Variants in RYR3 observed in about 807,000 individuals in gnomAD.
RYR3 encodes brain ryanodine receptor-calcium release channel.
RYR3 carries 207 observed loss-of-function variants against 584.3 expected under a neutral mutation model. That is an observed-to-expected ratio of 0.35 (90% confidence interval 0.32 to 0.40). The LOEUF is 0.40. RYR3 is among the 10% of genes least tolerant of loss of function. The pLI is 1.00. For missense variants in RYR3, 5,616 were observed against 6,089.2 expected (o/e 0.92, Z 2.59); for synonymous variants, 2,416 against 2,248.5 (o/e 1.07, Z -2.11).
At chr15:33,324,343 G>T (rs543787350) in intron 1 of RYR3, among the ~76,000 whole-genome samples, 2 of 152,170 alleles carry the variant, frequency 1.3e-5, no homozygotes, top group South Asian at 2.1e-4. Flanking sequence ...GGGAAGGAAG[G>T]GTACTCTAAA....
chr15:33,695,707 T>G (rs977101215), intron 38 of RYR3, among the ~76,000 whole-genome samples: 4 of 152,168 alleles, frequency 2.6e-5, no homozygotes, highest in African/African-American at 9.7e-5. Context: ...ATTCTTTTAT[T>G]GTTATATAGC....
chr15:33,798,084 T>A (rs149977905), intron 67 of RYR3, among the ~76,000 whole-genome samples: 2 of 110,582 alleles, frequency 1.8e-5, no homozygotes, highest in African/African-American at 3.5e-5. Flanking sequence ...TCTGTCTGTC[T>A]TTTATTTATT....
Position 33,816,951 on chromosome 15 carries a change from ATTTGGCT to A in RYR3, c.10593_10599del (p.Asp3531GlufsTer51). 1 of 1,599,602 alleles carries A rather than the reference ATTTGGCT, an allele frequency of 6.3e-7. No individual in the cohort carries two copies. The highest frequency in any genetic ancestry group is 8.6e-7 in the Non-Finnish European group (1 of 1,169,052). Reference sequence around the variant, plus strand: ...TCCTTTGAAGAGAAACTAGTACAGGATTTGGCTGTAAGTACTGACTCCCCTGGGAGCA... The same window carrying A: ...TCCTTTGAAGAGAAACTAGTACAGGAGTAAGTACTGACTCCCCTGGGAGCA... On this transcript the variant is annotated frameshift_variant and splice_region_variant, in exon 75 of 104. Coordinates refer to ENST00000634891, the MANE Select transcript of RYR3 (RefSeq NM_001036.6). LOFTEE classifies it high-confidence loss of function.
intron 47 of RYR3, among the ~76,000 whole-genome samples, chr15:33,729,671 A>C (rs185802638): frequency 4.0e-4 from 61 of 152,252 alleles, no homozygotes; most frequent in Middle Eastern, 3.4e-3. Flanking sequence ...CCCTAGAGTT[A>C]CAAAGCTCAG....
chr15:33,356,382 A>C (rs1019115909), intron 1 of RYR3, among the ~76,000 whole-genome samples: 1 of 152,180 alleles, frequency 6.6e-6, no homozygotes, highest in Non-Finnish European at 1.5e-5. Context: ...TTTCCATCAT[A>C]AACAAGTGAG....
intron 2 of RYR3, among the ~76,000 whole-genome samples, chr15:33,481,543 C>T (rs1394522917): frequency 6.6e-6 from 1 of 151,978 alleles, no homozygotes; most frequent in Non-Finnish European, 1.5e-5. Context: ...TGCAATGATG[C>T]AATCTCAGCT....
intron 1 of RYR3, among the ~76,000 whole-genome samples, chr15:33,379,683 C>CTATATATATATA (rs1216681475): frequency 8.6e-6 from 1 of 116,888 alleles, no homozygotes; most frequent in African/African-American, 4.3e-5. Context: ...CTCTCTCTCT[C>CTATATATATATA]TCTCTATATA....
chr15:33,550,812 A>G (rs1460807040), intron 10 of RYR3, among the ~76,000 whole-genome samples: 1 of 152,204 alleles, frequency 6.6e-6, no homozygotes, highest in Non-Finnish European at 1.5e-5. Context: ...TGATGCAGAG[A>G]AGACATTCTG....
chr15:33,434,881 G>A (rs541223333), intron 1 of RYR3, among the ~76,000 whole-genome samples: 215 of 152,140 alleles, frequency 1.4e-3, no homozygotes, highest in African/African-American at 4.9e-3. Flanking sequence ...GCAGTGGTGC[G>A]ATCTTGGCTC....
rs758116103 is a variant in RYR3, at chr15:33,854,919, T to C, written c.14007+7T>C. 3.1e-6 allele frequency: 5 copies of C among 1,606,804 alleles called. No homozygotes were observed. The Admixed American group carries it at 6.8e-5, about 22-fold the overall frequency. ...AACTCACAATGGCAAACAGGTATGG[T>C]TTCTACTGATGCAGAACAGAATGGA... is the stretch of plus-strand genomic sequence containing the variant. On this transcript the variant is annotated splice_region_variant and intron_variant, in intron 98 of 103. Transcript: ENST00000634891.
intron 1 of RYR3, among the ~76,000 whole-genome samples, chr15:33,372,976 G>A (rs2040449694): frequency 6.6e-6 from 1 of 152,212 alleles, no homozygotes; most frequent in Admixed American, 6.5e-5. Context: ...TTGTCTTGGT[G>A]TTTAGATTGG....
At chr15:33,391,259 T>C (rs1196503012) in intron 1 of RYR3, among the ~76,000 whole-genome samples, 1 of 152,192 alleles carries the variant, frequency 6.6e-6, no homozygotes, top group Non-Finnish European at 1.5e-5. Context: ...CACTGAGGCT[T>C]CACTCTCATG....
At chr15:33,442,560 GTAA>G (rs748383215) in intron 1 of RYR3, among the ~76,000 whole-genome samples, 1 of 152,200 alleles carries the variant, frequency 6.6e-6, no homozygotes, top group Non-Finnish European at 1.5e-5. Context: ...GACGTATCAT[GTAA>G]TAATGGTGAT....
intron 38 of RYR3, among the ~76,000 whole-genome samples, chr15:33,695,020 C>T (rs2065736494): frequency 6.6e-6 from 1 of 152,174 alleles, no homozygotes; most frequent in African/African-American, 2.4e-5. Flanking sequence ...GTAGAAACCT[C>T]AACTATTAGA....
chr15:33,493,747 C>T lies in RYR3; in HGVS notation c.172-9884C>T, dbSNP rs559825421. On this transcript the variant is annotated intron_variant, in intron 2 of 103. Transcript: ENST00000634891. ...TTAATCCTTCCAGAACAAGCTTATA[C>T]ATATCTGTTTTAGCTCTTGTGAGAA... is the stretch of plus-strand genomic sequence containing the variant. Among the ~76,000 whole-genome samples the T allele has an allele frequency of 3.3e-3, 506 of 152,298 alleles. 3 individuals are homozygous for T. The highest frequency in any genetic ancestry group is 0.012 in the African/African-American group (479 of 41,570).
chr15:33,837,973 T>C lies in RYR3; in HGVS notation c.11993T>C (p.Leu3998Ser). 1 of 1,614,032 alleles carries C rather than the reference T, an allele frequency of 6.2e-7. No individual in the cohort carries two copies. Among genetic ancestry groups the C allele is most frequent in the Non-Finnish European group, 8.5e-7 (1 of 1,179,894 alleles). The change falls in exon 89 of 104, where the codon TTG becomes TCG. Residue 3998 changes from leucine (L) to serine (S), a missense_variant. Leu to Ser is a moderately radical substitution (Grantham distance 145). This residue lies in a region of RYR3 where 258 missense variants were observed against 297.3 expected (regional missense o/e 0.87). Transcript: ENST00000634891. ...ATAGGGTTTAATGTGGCTGTGTTAT[T>C]GACAAATCTTTCTGAACACATGCCA... ...KDIGFNVAVL[L>S]TNLSEHMPND...
chr15:33,511,807 C>T (rs1187310285), intron 3 of RYR3, among the ~76,000 whole-genome samples: 2 of 152,154 alleles, frequency 1.3e-5, no homozygotes, highest in Admixed American at 1.3e-4. Context: ...GAGACGGAGT[C>T]TCGCTCTGTC....
chr15:33,785,631 T>C (rs2074659572), intron 65 of RYR3, 31 bp from the exon 66 acceptor site: 2 of 1,514,210 alleles, frequency 1.3e-6, no homozygotes, highest in East Asian at 2.3e-5. Context: ...TGCTTTTGAA[T>C]TTCTGTCCCT....
intron 3 of RYR3, among the ~76,000 whole-genome samples, chr15:33,522,775 G>T (rs1340000048): frequency 6.6e-6 from 1 of 152,128 alleles, no homozygotes; most frequent in Non-Finnish European, 1.5e-5. Context: ...GCGAGCTCCT[G>T]TTGCCTCATT....
Sources: gnomAD v4.1 joint callset for allele counts (sites outside exome capture counted in the v4.1 genomes callset) on GRCh38, gnomAD v4.1.1 for gene constraint, gnomAD v4.1.1 regional missense constraint, MANE v1.5 for transcripts, NCBI Gene and HGNC (gene_info 2026-07-23, HGNC 2026-07-21) for gene names.